VWC2L: variants seen among roughly 807,000 people sequenced by gnomAD.
VWC2L encodes von Willebrand factor C domain containing 2 like.
VWC2L carries 10 observed loss-of-function variants against 21.6 expected under a neutral mutation model. The observed-to-expected ratio is 0.46, with a 90% CI of 0.29 to 0.78. The LOEUF is 0.78. Among genes scored for constraint, VWC2L ranks in the 30% least tolerant of loss-of-function variants. The probability of loss-of-function intolerance (pLI) is 0.10; values close to 1 mark genes in which losing one functional copy is unlikely to be tolerated. For synonymous variants in VWC2L, 96 were observed against 94.3 expected (o/e 1.02, Z -0.10); for missense variants, 209 against 277.1 (o/e 0.75, Z 1.74).
chr2:214,570,519 A>C (rs1159119649), intron 3 of VWC2L, among the ~76,000 whole-genome samples: 2 of 152,068 alleles, frequency 1.3e-5, no homozygotes, highest in African/African-American at 2.4e-5. Flanking sequence ...GTGCACCACC[A>C]TGCCCAGCTA....
intron 3 of VWC2L, among the ~76,000 whole-genome samples, chr2:214,478,901 C>G (rs182755491): frequency 6.6e-6 from 1 of 152,204 alleles, no homozygotes; most frequent in African/African-American, 2.4e-5. Context: ...TGCTCTGCTT[C>G]CCAGATGCAG....
intron 3 of VWC2L, among the ~76,000 whole-genome samples, 184 bp downstream of exon 3, chr2:214,436,942 C>T (rs1329474332): frequency 2.0e-5 from 3 of 152,114 alleles, no homozygotes; most frequent in African/African-American, 7.2e-5. Flanking sequence ...GTTTATTGTG[C>T]AGCTTTCCAT....
chr2:214,530,522 T>C (rs1463579764), intron 3 of VWC2L, among the ~76,000 whole-genome samples: 2 of 152,136 alleles, frequency 1.3e-5, no homozygotes, highest in African/African-American at 4.8e-5. Context: ...CTGACAAAGC[T>C]GAAAAGATAG....
At chr2:214,528,282 C>T (rs1689375550) in intron 3 of VWC2L, among the ~76,000 whole-genome samples, 1 of 152,098 alleles carries the variant, frequency 6.6e-6, no homozygotes. Flanking sequence ...ATGTTCTTAC[C>T]AAGTAATTAT....
chr2:214,519,241 T>C (rs1057001066), intron 3 of VWC2L, among the ~76,000 whole-genome samples: 3 of 152,166 alleles, frequency 2.0e-5, no homozygotes, highest in Admixed American at 2.0e-4. Context: ...TTCTTACCCA[T>C]GTACTGCTGC....
chr2:214,429,245 C>T (rs1367043025), intron 2 of VWC2L, among the ~76,000 whole-genome samples: 1 of 152,144 alleles, frequency 6.6e-6, no homozygotes, highest in Non-Finnish European at 1.5e-5. Context: ...AAATGTAGCA[C>T]CTTCAGCATG....
intron 3 of VWC2L, among the ~76,000 whole-genome samples, chr2:214,502,277 A>G (rs549019069): frequency 5.3e-5 from 8 of 152,298 alleles, no homozygotes; most frequent in Admixed American, 5.2e-4. Flanking sequence ...AAGCATAGAA[A>G]ATGACAACGA....
intron 2 of VWC2L, among the ~76,000 whole-genome samples, chr2:214,421,083 T>C (rs1702431663): frequency 6.6e-6 from 1 of 152,216 alleles, no homozygotes; most frequent in South Asian, 2.1e-4. Flanking sequence ...AGTAATTTCA[T>C]TCCAGAGATT....
chr2:214,492,165 A>G (rs913933616), intron 3 of VWC2L, among the ~76,000 whole-genome samples: 6 of 152,190 alleles, frequency 3.9e-5, no homozygotes, highest in African/African-American at 1.2e-4. Context: ...GTCAAAGAGT[A>G]TTTTCTGTGT....
chr2:214,506,779 C>T (rs538122041), intron 3 of VWC2L, among the ~76,000 whole-genome samples: 2 of 151,830 alleles, frequency 1.3e-5, no homozygotes, highest in South Asian at 4.2e-4. Flanking sequence ...AATTATGGAG[C>T]CAATAAAAAT....
At chr2:214,421,883 A>ATTTTTTTTTTT (rs1574555783) in intron 2 of VWC2L, among the ~76,000 whole-genome samples, 1 of 88,354 alleles carries the variant, frequency 1.1e-5, no homozygotes, top group Admixed American at 9.8e-5. Flanking sequence ...TATTTCCTAC[A>ATTTTTTTTTTT]TCTTTTTTTT....
intron 3 of VWC2L, among the ~76,000 whole-genome samples, chr2:214,447,787 T>A (rs1224894421): frequency 6.6e-6 from 1 of 152,036 alleles, no homozygotes; most frequent in Non-Finnish European, 1.5e-5. Context: ...AGTCCCAGAT[T>A]CCCTCCGTCT....
At chr2:214,563,626 C>A (rs1423704489) in intron 3 of VWC2L, among the ~76,000 whole-genome samples, 1 of 144,496 alleles carries the variant, frequency 6.9e-6, no homozygotes, top group African/African-American at 2.6e-5. Context: ...GTTCTCTAAT[C>A]TGTTCCATTA....
intron 3 of VWC2L, among the ~76,000 whole-genome samples, chr2:214,565,459 T>C (rs1218878512): frequency 1.1e-4 from 16 of 152,164 alleles, no homozygotes; most frequent in Admixed American, 9.2e-4. Context: ...AACAGACTAA[T>C]ATACCTCCCC....
intron 3 of VWC2L, among the ~76,000 whole-genome samples, chr2:214,493,554 A>G (rs2126202114): frequency 6.6e-6 from 1 of 152,218 alleles, no homozygotes; most frequent in Admixed American, 6.5e-5. Flanking sequence ...TTTGTGTAGC[A>G]AAGGTGGCCA....
chr2:214,437,361 T>A (rs1194496813), intron 3 of VWC2L, among the ~76,000 whole-genome samples: 1 of 152,138 alleles, frequency 6.6e-6, no homozygotes, highest in African/African-American at 2.4e-5. Context: ...TATAGGTTCC[T>A]TTTTGTCCCT....
At chr2:214,555,752 C>T (rs1449143828) in intron 3 of VWC2L, among the ~76,000 whole-genome samples, 3 of 152,172 alleles carry the variant, frequency 2.0e-5, no homozygotes, top group Non-Finnish European at 4.4e-5. Flanking sequence ...TCTAAACTCC[C>T]TGGAGGCCAT....
At chr2:214,554,330 C>A (rs1453054932) in intron 3 of VWC2L, among the ~76,000 whole-genome samples, 1 of 152,142 alleles carries the variant, frequency 6.6e-6, no homozygotes, top group Admixed American at 6.6e-5. Flanking sequence ...CAAGAATATT[C>A]CAAAGTAAGC....
At position 214,414,488 on chromosome 2, in the gene VWC2L, A is replaced by G; in HGVS notation, c.295A>G (p.Lys99Glu). The change falls in exon 2 of 4, where the codon AAA (lysine) becomes GAA (glutamate). Residue 99 changes from lysine to glutamate, a missense_variant. Physicochemically the swap from Lys to Glu is moderately conservative, Grantham distance 56. Transcript: ENST00000312504. ...ECPKIHPKCT[K>E]VEHNGCCPEC... Reference sequence around the variant, plus strand: ...CCCTAAAATTCACCCAAAGTGTACTAAAGTGGAACACAATGGATGCTGTCC... The same window carrying G: ...CCCTAAAATTCACCCAAAGTGTACTGAAGTGGAACACAATGGATGCTGTCC... 6.2e-7 allele frequency: 1 copy of G among 1,613,574 alleles called. No homozygotes were observed. The highest frequency in any genetic ancestry group is 8.5e-7 in the Non-Finnish European group (1 of 1,179,678).
Sources: gnomAD v4.1 joint callset for allele counts (sites outside exome capture counted in the v4.1 genomes callset) on GRCh38, gnomAD v4.1.1 for gene constraint, MANE v1.5 for transcripts, NCBI Gene and HGNC (gene_info 2026-07-23, HGNC 2026-07-21) for gene names.